Variants in CTBS observed in about 807,000 individuals in gnomAD.
CTBS encodes di-N-acetylchitobiase.
Under a neutral mutation model 44.3 loss-of-function variants are expected in CTBS, and 35 were observed. That is an observed-to-expected ratio of 0.79 (90% CI 0.60 to 1.05). The LOEUF is 1.05. Ranked by LOEUF, CTBS falls within the 50% of genes least tolerant of loss-of-function variation. The probability of loss-of-function intolerance (pLI) is 0.00; values close to 1 mark genes in which losing one functional copy is unlikely to be tolerated. For synonymous variants in CTBS, 143 were observed against 168.0 expected, an observed-to-expected ratio of 0.85 and a Z score of 1.15; for missense variants, 458 against 475.3, an observed-to-expected ratio of 0.96 and a Z score of 0.34.
chr1:84,573,029 C>G (rs564954863), intron 1 of CTBS, among the ~76,000 whole-genome samples: 1 of 152,134 alleles, frequency 6.6e-6, no homozygotes, highest in African/African-American at 2.4e-5. Context: ...CCTCTACCAC[C>G]GCGCTGGGCC....
chr1:84,557,549 A>AG (rs1346185899), intron 6 of CTBS, among the ~76,000 whole-genome samples: 1 of 136,818 alleles, frequency 7.3e-6, no homozygotes, highest in African/African-American at 3.2e-5. Flanking sequence ...AAAAAAAAAA[A>AG]AAAAGAAAAA....
intron 1 of CTBS, among the ~76,000 whole-genome samples, chr1:84,572,173 G>C (rs1310643690): frequency 6.6e-6 from 1 of 152,072 alleles, no homozygotes; most frequent in African/African-American, 2.4e-5. Flanking sequence ...ATGAGGGAGA[G>C]ACAGTGGGGA....
rs745805091 is a variant in CTBS at position 84,570,739 on chromosome 1, G to C, written c.178-19C>G. The C allele has an allele frequency of 6.2e-7, 1 of 1,608,098 alleles. No homozygotes were observed. The highest frequency in any genetic ancestry group is 8.5e-7 in the Non-Finnish European group (1 of 1,176,626). On this transcript the variant is annotated intron_variant, in intron 1 of 6. Transcript: ENST00000370630. The stretch of plus-strand genomic sequence containing the variant: ...CAAAGACCTGCCAGAACAAAGATGA[G>C]CACCATCATTTAAACCAAGAATATT...
intron 1 of CTBS, chr1:84,573,963 G>A: frequency 2.2e-6 from 3 of 1,342,438 alleles, no homozygotes; most frequent in Non-Finnish European, 1.9e-6. Context: ...GCACAGCAGG[G>A]GAATGAAAGG....
intron 5 of CTBS, 68 bp from the exon 6 acceptor site, chr1:84,563,486 T>A (rs529598652): frequency 1.8e-6 from 2 of 1,095,258 alleles, no homozygotes; most frequent in African/African-American, 3.3e-5. Context: ...AAACCAAAAA[T>A]ATATAAATTA....
Position 84,549,872 on chromosome 1 carries a change from C to T in CTBS, c.*5127G>A, listed in dbSNP as rs1570455530. Reference sequence around the variant, plus strand: ...AATGGTTTGTCCATAGTAGTTGGTACTTTTTTTTTTAGCATAGCTTATACT... The same window carrying T: ...AATGGTTTGTCCATAGTAGTTGGTATTTTTTTTTTTAGCATAGCTTATACT... On this transcript the variant is annotated 3_prime_UTR_variant, in exon 7 of 7. Transcript: ENST00000370630. 1 of 148,364 alleles carries T rather than the reference C, an allele frequency of 6.7e-6. No homozygotes were observed. Among genetic ancestry groups the T allele is most frequent in the African/African-American group, 2.5e-5 (1 of 40,784 alleles). The allele number at this position is 148,364 out of a possible 1,614,324, so 9.2% of individuals were successfully genotyped here. A position where few individuals can be genotyped will look rare whatever the true frequency, so the allele number is the denominator to read the frequency against.
At chr1:84,556,013 T>C (rs1454451385) in intron 6 of CTBS, 7 of 152,246 alleles carry the variant, frequency 4.6e-5, no homozygotes, top group Non-Finnish European at 1.5e-5. Flanking sequence ...TACATCCTTT[T>C]CTAGGTCTTA....
At chr1:84,557,541 AAAAAAAAAAAAAG>A (rs1231161810) in intron 6 of CTBS, among the ~76,000 whole-genome samples, 6 of 137,334 alleles carry the variant, frequency 4.4e-5, no homozygotes, top group Non-Finnish European at 9.0e-5. Context: ...CTCAAAAAAA[AAAAAAAAAAAAAG>A]AAAAAAAAAA....
intron 4 of CTBS, among the ~76,000 whole-genome samples, chr1:84,564,470 A>G (rs1238275836): frequency 6.6e-6 from 1 of 152,164 alleles, no homozygotes; most frequent in Non-Finnish European, 1.5e-5. Flanking sequence ...TAATGTTATT[A>G]TGTACTATTA....
intron 4 of CTBS, among the ~76,000 whole-genome samples, 174 bp downstream of exon 4, chr1:84,565,667 T>C (rs1262782235): frequency 6.6e-6 from 1 of 152,198 alleles, no homozygotes; most frequent in Non-Finnish European, 1.5e-5. Context: ...ATCAAAACTT[T>C]AAAACTTTTT....
intron 1 of CTBS, among the ~76,000 whole-genome samples, chr1:84,571,507 T>G (rs1217456078): frequency 6.6e-6 from 1 of 152,254 alleles, no homozygotes; most frequent in Non-Finnish European, 1.5e-5. Flanking sequence ...CACCTGATGT[T>G]GTGTTTCTCT....
chr1:84,556,710 C>CAAAAAA (rs11417377), intron 6 of CTBS, among the ~76,000 whole-genome samples: 1 of 93,492 alleles, frequency 1.1e-5, no homozygotes, highest in Non-Finnish European at 2.2e-5. Context: ...GACTCCGTCT[C>CAAAAAA]AAAAAAAAAA....
rs1684244671 is a variant in CTBS at position 84,550,711 on chromosome 1, T to C, written c.*4288A>G. The C allele has an allele frequency of 8.5e-7, 1 of 1,179,280 alleles. No homozygotes were observed. The highest frequency in any genetic ancestry group is 4.5e-5 in the Admixed American group (1 of 22,278). 73.1% of individuals were successfully genotyped at this position (1,179,280 alleles called of 1,614,324 possible). A position where few individuals can be genotyped will look rare whatever the true frequency, so the allele number is the denominator to read the frequency against. On this transcript the variant is annotated 3_prime_UTR_variant, in exon 7 of 7. Coordinates refer to ENST00000370630, the MANE Select transcript of CTBS (RefSeq NM_004388.3). ...AATGCAGGAAGAAAAACTAAACCTG[T>C]GAAAAGATACATGATATAATAAAGC...
intron 1 of CTBS, among the ~76,000 whole-genome samples, chr1:84,572,934 C>T (rs1210636854): frequency 6.6e-6 from 1 of 152,112 alleles, no homozygotes; most frequent in African/African-American, 2.4e-5. Context: ...CCACCTTGGC[C>T]TCACAAAGTG....
intron 4 of CTBS, among the ~76,000 whole-genome samples, chr1:84,565,625 T>C (rs1684684965): frequency 6.6e-6 from 1 of 152,178 alleles, no homozygotes; most frequent in Non-Finnish European, 1.5e-5. Flanking sequence ...AATATACCTA[T>C]ACCACAAGAT....
Position 84,563,094 on chromosome 1 carries a change from T to C in CTBS, c.957+163A>G, listed in dbSNP as rs1342594396. Among the ~76,000 whole-genome samples, 3 of 152,182 alleles carry C rather than the reference T, an allele frequency of 2.0e-5. No individual in the cohort carries two copies. In the East Asian group the frequency reaches 5.8e-4, roughly 29 times the overall value. On this transcript the variant is annotated intron_variant, in intron 6 of 6. Transcript: ENST00000370630. ...CCAATTGCTCGCCAGGGAACTAAAG[T>C]TCCTGATTACAGATTCAAAGACAAG...
At chr1:84,572,637 T>C (rs192141341) in intron 1 of CTBS, among the ~76,000 whole-genome samples, 60 of 151,958 alleles carry the variant, frequency 3.9e-4, no homozygotes, top group Non-Finnish European at 7.5e-4. Flanking sequence ...CCACTAAGTA[T>C]TGGGTACTAC....
At chr1:84,563,459 T>C (rs750439734) in intron 5 of CTBS, 41 bp from the exon 6 acceptor site, 4 of 1,381,276 alleles carry the variant, frequency 2.9e-6, no homozygotes, top group East Asian at 2.7e-5. Flanking sequence ...TTATCAATTA[T>C]GCAATTCTTA....
rs1159638675 is a variant in CTBS at position 84,554,331 on chromosome 1, G to A, written c.*668C>T. On this transcript the variant is annotated 3_prime_UTR_variant, in exon 7 of 7. Coordinates refer to ENST00000370630, the MANE Select transcript of CTBS (RefSeq NM_004388.3). ...AAAATAATGTAGTTGGAAAATATTA[G>A]GTAGTTCTAACTTACCAATTCAAAA... is the stretch of plus-strand genomic sequence containing the variant. 1 of 151,988 alleles carries A rather than the reference G, an allele frequency of 6.6e-6. No homozygotes were observed. The highest frequency in any genetic ancestry group is 1.9e-4 in the East Asian group (1 of 5,194). 9.4% of individuals were successfully genotyped at this position (151,988 alleles called of 1,614,324 possible).
Sources: allele counts gnomAD v4.1 joint callset (sites outside exome capture counted in the v4.1 genomes callset), GRCh38; gene constraint gnomAD v4.1.1; transcripts MANE v1.5; gene names NCBI Gene and HGNC (gene_info 2026-07-23, HGNC 2026-07-21).